PTPRD: variants seen among roughly 807,000 people sequenced by gnomAD.
The protein encoded by PTPRD is protein tyrosine phosphatase receptor type D, also known as receptor-type tyrosine-protein phosphatase delta.
Under a neutral mutation model 214.5 loss-of-function variants are expected in PTPRD, and 34 were observed. The observed-to-expected ratio is 0.16, with a 90% CI of 0.12 to 0.21. The LOEUF is 0.21. PTPRD is among the 10% of genes least tolerant of loss of function. The pLI is 1.00. For missense variants in PTPRD, 2,545 were observed against 2,398.7 expected (o/e 1.06, Z -1.27); for synonymous variants, 1,128 against 845.7 (o/e 1.33, Z -5.79).
intron 3 of PTPRD, among the ~76,000 whole-genome samples, chr9:10,108,038 G>T (rs1053027072): frequency 2.0e-5 from 3 of 152,212 alleles, no homozygotes; most frequent in Middle Eastern, 3.4e-3. Context: ...GGTTGAAAGA[G>T]GGTGAGTGAC....
At chr9:9,526,040 C>A (rs117929515) in intron 8 of PTPRD, among the ~76,000 whole-genome samples, 1 of 151,910 alleles carries the variant, frequency 6.6e-6, no homozygotes, top group African/African-American at 2.4e-5. Flanking sequence ...CAGGTAGATA[C>A]GCATACCAAA....
chr9:8,426,220 G>C (rs950360164), intron 35 of PTPRD, among the ~76,000 whole-genome samples: 20 of 152,188 alleles, frequency 1.3e-4, no homozygotes, highest in African/African-American at 4.6e-4. Flanking sequence ...CTCATGGGTA[G>C]ATACTAATCT....
At chr9:10,309,525 T>C (rs185773432) in intron 3 of PTPRD, among the ~76,000 whole-genome samples, 19 of 150,640 alleles carry the variant, frequency 1.3e-4, no homozygotes, top group African/African-American at 3.4e-4. Context: ...GCTATTTCTT[T>C]TTTTTTTTTT....
intron 5 of PTPRD, among the ~76,000 whole-genome samples, chr9:9,928,733 CA>C (rs2085233798): frequency 7.2e-6 from 1 of 139,588 alleles, no homozygotes; most frequent in African/African-American, 3.0e-5. Context: ...ACACCTAATA[CA>C]GTAGCAGTCA....
At chr9:8,652,576 C>T (rs2096834242) in intron 12 of PTPRD, among the ~76,000 whole-genome samples, 1 of 152,204 alleles carries the variant, frequency 6.6e-6, no homozygotes, top group Non-Finnish European at 1.5e-5. Flanking sequence ...AACAGAATGA[C>T]ACCATTTTAG....
chr9:9,811,235 A>G (rs1180869663), intron 5 of PTPRD, among the ~76,000 whole-genome samples: 1 of 152,126 alleles, frequency 6.6e-6, no homozygotes, highest in African/African-American at 2.4e-5. Flanking sequence ...TTAGCAAGAG[A>G]TTGAGTCTAA....
intron 3 of PTPRD, among the ~76,000 whole-genome samples, chr9:10,213,136 T>C (rs12551949): frequency 6.6e-6 from 1 of 152,130 alleles, no homozygotes; most frequent in Non-Finnish European, 1.5e-5. Context: ...TCATGAAAAA[T>C]GTACTTTTAT....
chr9:8,802,808 T>C (rs1229535172), intron 11 of PTPRD, among the ~76,000 whole-genome samples: 1 of 152,126 alleles, frequency 6.6e-6, no homozygotes, highest in Non-Finnish European at 1.5e-5. Flanking sequence ...TCTCAGTGCT[T>C]TGGGAGGCCA....
chr9:10,128,599 GCCAC>G (rs1417916741), intron 3 of PTPRD, among the ~76,000 whole-genome samples: 3 of 152,120 alleles, frequency 2.0e-5, no homozygotes, highest in Non-Finnish European at 4.4e-5. Flanking sequence ...TGTTGTTTAA[GCCAC>G]CCATATTGTG....
intron 7 of PTPRD, among the ~76,000 whole-genome samples, chr9:9,674,968 C>G (rs986553758): frequency 1.1e-4 from 16 of 151,586 alleles, no homozygotes; most frequent in African/African-American, 3.9e-4. Context: ...AATAACAAGC[C>G]TGATTATTGG....
chr9:8,320,041 T>C (rs534195874), intron 44 of PTPRD, 75 bp from the exon 45 acceptor site: 50 of 1,540,198 alleles, frequency 3.2e-5, no homozygotes, highest in Non-Finnish European at 4.1e-5. Context: ...GGTGTGGACA[T>C]ACTTCTACCA....
At chr9:8,973,768 G>C (rs2099252714) in intron 11 of PTPRD, among the ~76,000 whole-genome samples, 1 of 152,072 alleles carries the variant, frequency 6.6e-6, no homozygotes, top group African/African-American at 2.4e-5. Flanking sequence ...TGAGTGATGT[G>C]AAATGGCATC....
At chr9:8,822,384 A>C (rs987748799) in intron 11 of PTPRD, among the ~76,000 whole-genome samples, 1 of 152,250 alleles carries the variant, frequency 6.6e-6, no homozygotes, top group Non-Finnish European at 1.5e-5. Context: ...GTTAAAGTAC[A>C]AACCAATATA....
At chr9:9,179,747 A>T (rs1056464881) in intron 10 of PTPRD, among the ~76,000 whole-genome samples, 1 of 152,064 alleles carries the variant, frequency 6.6e-6, no homozygotes, top group Non-Finnish European at 1.5e-5. Flanking sequence ...GATTCTGTCA[A>T]TCAGGAACCA....
In PTPRD at chr9:8,473,772, C is replaced by T. The variant is rs567354921; in HGVS notation, c.3414-2687G>A. ...GGGATAAGAATTGAACAGCCTCCCC[C>T]ACGGCAATTAATTAACGGTGCGGCA... On this transcript the variant is annotated intron_variant, in intron 30 of 45. Coordinates refer to ENST00000381196, the MANE Select transcript of PTPRD (RefSeq NM_002839.4). Among the ~76,000 whole-genome samples the T allele has an allele frequency of 8.5e-5, 13 of 152,278 alleles. No individual in the cohort carries two copies. The South Asian group carries it at 2.7e-3, about 32-fold the overall frequency.
chr9:9,107,102 TA>T (rs1486832490), intron 10 of PTPRD, among the ~76,000 whole-genome samples: 4 of 152,288 alleles, frequency 2.6e-5, no homozygotes, highest in South Asian at 4.1e-4. Context: ...TATTAGAAAT[TA>T]TTTTTTTGTT....
At chr9:10,310,160 G>C (rs1004807395) in intron 3 of PTPRD, among the ~76,000 whole-genome samples, 3 of 152,058 alleles carry the variant, frequency 2.0e-5, no homozygotes, top group African/African-American at 7.2e-5. Flanking sequence ...ATAGTGTAAA[G>C]CAATAAAATC....
At chr9:9,988,656 A>G (rs1185522705) in intron 4 of PTPRD, among the ~76,000 whole-genome samples, 4 of 152,072 alleles carry the variant, frequency 2.6e-5, no homozygotes, top group African/African-American at 9.7e-5. Context: ...AGTTCTTTTT[A>G]TTTTATTAAA....
At chr9:8,904,003 C>T (rs923239821) in intron 11 of PTPRD, among the ~76,000 whole-genome samples, 9 of 152,070 alleles carry the variant, frequency 5.9e-5, no homozygotes, top group African/African-American at 2.2e-4. Flanking sequence ...TATTATGATT[C>T]GATTATTTAT....
Sources: allele counts gnomAD v4.1 joint callset (sites outside exome capture counted in the v4.1 genomes callset), GRCh38; gene constraint gnomAD v4.1.1; transcripts MANE v1.5; gene names NCBI Gene and HGNC (gene_info 2026-07-23, HGNC 2026-07-21).